DMD: variants seen among roughly 807,000 people sequenced by gnomAD.
The protein encoded by DMD is mutant dystrophin.
DMD carries 63 observed loss-of-function variants against 330.1 expected under a neutral mutation model. The ratio of observed to expected loss-of-function variants is 0.19; its 90% CI spans 0.16 to 0.24. The LOEUF is 0.24. DMD is among the 10% of genes least tolerant of loss of function. The pLI is 1.00. For synonymous variants in DMD, 1,223 were observed against 959.8 expected, an observed-to-expected ratio of 1.27 and a Z score of -5.07; for missense variants, 3,344 against 2,684.1, an observed-to-expected ratio of 1.25 and a Z score of -5.43.
chrX:31,998,786 C>T (rs2095606493), intron 44 of DMD, among the ~76,000 whole-genome samples: 1 of 111,933 alleles, frequency 8.9e-6, no homozygotes, highest in Admixed American at 9.5e-5. Context: ...TTGGCACATT[C>T]AAAGACATAA....
intron 60 of DMD, among the ~76,000 whole-genome samples, chrX:31,373,132 A>G (rs1383227651): frequency 3.7e-5 from 4 of 107,233 alleles, no homozygotes; most frequent in Admixed American, 1.0e-4. Context: ...GGACCTCTTC[A>G]AGGAGAACTA....
chrX:32,501,099 T>C (rs951951214), intron 19 of DMD, among the ~76,000 whole-genome samples: 3 of 112,156 alleles, frequency 2.7e-5, no homozygotes, highest in Admixed American at 9.5e-5. Flanking sequence ...TTACATATCA[T>C]GTCAATGACA....
At chrX:31,508,755 G>A (rs1030977769) in intron 55 of DMD, among the ~76,000 whole-genome samples, 10 of 110,284 alleles carry the variant, frequency 9.1e-5, no homozygotes, top group African/African-American at 3.3e-4. Flanking sequence ...CCAAACAATT[G>A]GATTGATCTG....
At chrX:31,329,369 A>G (rs186878256) in intron 61 of DMD, among the ~76,000 whole-genome samples, 26 of 111,906 alleles carry the variant, frequency 2.3e-4, no homozygotes, top group African/African-American at 8.4e-4. Context: ...GCATTAAAAA[A>G]AAGAAGGTTC....
chrX:32,785,159 T>C (rs1310235580), intron 7 of DMD, among the ~76,000 whole-genome samples: 5 of 108,567 alleles, frequency 4.6e-5, no homozygotes, highest in African/African-American at 1.7e-4. Context: ...AAAATCTTAG[T>C]CTACTCAGCC....
chrX:32,563,144 C>A (rs374269051), intron 16 of DMD, among the ~76,000 whole-genome samples: 1 of 109,351 alleles, frequency 9.1e-6, no homozygotes, highest in East Asian at 2.9e-4. Context: ...ATCGAGACCA[C>A]CCTGGCCAAC....
intron 47 of DMD, among the ~76,000 whole-genome samples, chrX:31,890,081 T>TA (rs1341620883): frequency 9.3e-4 from 94 of 101,275 alleles, no homozygotes; most frequent in South Asian, 2.6e-3. Context: ...TAATAGAATT[T>TA]AAAAAAAAAA....
chrX:32,948,418 G>A (rs996813443), intron 2 of DMD, among the ~76,000 whole-genome samples: 10 of 111,881 alleles, frequency 8.9e-5, no homozygotes, highest in Non-Finnish European at 1.9e-4. Flanking sequence ...CTGGTAAGTG[G>A]AGCTTTAGTT....
rs1165468824 is a variant in DMD at position 31,531,600 on chromosome X, C to T, written c.8218-24147G>A. 8.3e-5 allele frequency among the ~76,000 whole-genome samples: 8 copies of T among 96,392 alleles called. No individual in the cohort carries two copies. The East Asian group carries it at 1.0e-3, about 12-fold the overall frequency. The allele number at this position is 96,392 out of a possible 115,157, so 83.7% of individuals were successfully genotyped here. A position where few individuals can be genotyped will look rare whatever the true frequency, so the allele number is the denominator to read the frequency against. On this transcript the variant is annotated intron_variant, in intron 55 of 78. Coordinates refer to ENST00000357033, the MANE Select transcript of DMD (RefSeq NM_004006.3). ...AGCCCTTTGTCAGATGAGTAGGTTG[C>T]GGAAATTTTCTCCCATGTTGTAGGT...
intron 60 of DMD, among the ~76,000 whole-genome samples, chrX:31,371,286 C>A (rs1361249277): frequency 9.0e-6 from 1 of 110,626 alleles, no homozygotes; most frequent in African/African-American, 3.3e-5. Context: ...ACTGAATTTT[C>A]ATCAGATTAG....
intron 41 of DMD, among the ~76,000 whole-genome samples, chrX:32,315,336 T>A (rs374023955): frequency 1.8e-5 from 2 of 109,528 alleles, no homozygotes; most frequent in African/African-American, 6.7e-5. Context: ...AGTTGAACAA[T>A]GAAAACATAT....
In DMD at chrX:32,153,425, G is replaced by A. The variant is rs1304448811; in HGVS notation, c.6438+63491C>T. Among the ~76,000 whole-genome samples the A allele has an allele frequency of 4.5e-5, 5 of 110,128 alleles. No individual in the cohort carries two copies. In the East Asian group the frequency reaches 1.4e-3, roughly 31 times the overall value. On this transcript the variant is annotated intron_variant, in intron 44 of 78. Transcript: ENST00000357033. ...TAGTGGAGAGACTGATGGACCATAA[G>A]CCATAAATCTTTTTAAAAAAATCAC... is the stretch of plus-strand genomic sequence containing the variant.
At chrX:31,187,763 G>A (rs1187071066) in intron 67 of DMD, among the ~76,000 whole-genome samples, 1 of 85,642 alleles carries the variant, frequency 1.2e-5, no homozygotes, top group Non-Finnish European at 2.4e-5. Context: ...GAGAGAGAGA[G>A]AGAGAGAGAG....
At chrX:33,020,285 G>A (rs1027393984) in intron 1 of DMD, 85 bp from the exon 2 acceptor site, 1 of 648,734 alleles carries the variant, frequency 1.5e-6, no homozygotes, top group African/African-American at 2.2e-5. Flanking sequence ...TTTCCATTAT[G>A]ATGTGTTAGT....
chrX:32,713,323 T>A (rs1245577514), intron 7 of DMD, among the ~76,000 whole-genome samples: 1 of 111,748 alleles, frequency 8.9e-6, no homozygotes, highest in Non-Finnish European at 1.9e-5. Context: ...TCACACTGTA[T>A]CTCCTGTGAT....
chrX:32,786,803 G>C (rs1182838193), intron 7 of DMD, among the ~76,000 whole-genome samples: 4 of 111,900 alleles, frequency 3.6e-5, no homozygotes, highest in Non-Finnish European at 7.5e-5. Flanking sequence ...CTAGCTGAGT[G>C]ATGTGGGCAA....
At chrX:32,969,009 C>A (rs1270588682) in intron 2 of DMD, among the ~76,000 whole-genome samples, 1 of 61,837 alleles carries the variant, frequency 1.6e-5, no homozygotes, top group African/African-American at 6.9e-5. Context: ...GCCTGGGAGA[C>A]AGAATGAGAT....
chrX:31,360,736 A>G (rs986761883), intron 60 of DMD, among the ~76,000 whole-genome samples: 23 of 112,076 alleles, frequency 2.1e-4, no homozygotes, highest in African/African-American at 7.1e-4. Flanking sequence ...TAAATCATGG[A>G]CGGTTGAACA....
intron 2 of DMD, among the ~76,000 whole-genome samples, chrX:32,916,225 G>A (rs5928112): frequency 0.37 from 41,122 of 109,792 alleles, 5,736 homozygotes; most frequent in East Asian, 0.62. Context: ...ACATGCTGAG[G>A]TTTATGCTAT....
Sources: gnomAD v4.1 joint callset for allele counts (sites outside exome capture counted in the v4.1 genomes callset) on GRCh38, gnomAD v4.1.1 for gene constraint, MANE v1.5 for transcripts, NCBI Gene and HGNC (gene_info 2026-07-23, HGNC 2026-07-21) for gene names.